DNAH8: variants seen among roughly 807,000 people sequenced by gnomAD.
The protein encoded by DNAH8 is dynein axonemal heavy chain 8, also known as axonemal beta dynein heavy chain 8.
Under a neutral mutation model 562.1 loss-of-function variants are expected in DNAH8, and 382 were observed. That is an observed-to-expected ratio of 0.68 (90% CI 0.63 to 0.74). The LOEUF is 0.74. DNAH8 is among the 30% of genes least tolerant of loss of function. DNAH8 has a pLI of 0.00. For missense variants in DNAH8, 5,203 were observed against 5,620.4 expected (o/e 0.93, Z 2.37); for synonymous variants, 1,881 against 1,919.4 (o/e 0.98, Z 0.52).
At chr6:38,823,099 A>C in intron 27 of DNAH8, 65 bp downstream of exon 27, 2 of 1,407,072 alleles carry the variant, frequency 1.4e-6, no homozygotes, top group Non-Finnish European at 1.9e-6. Context: ...AGGGTGGACC[A>C]GGAAAATATC....
intron 75 of DNAH8, among the ~76,000 whole-genome samples, chr6:38,930,763 TGATTTGGTATACA>T (rs1431359217): frequency 6.6e-6 from 1 of 152,306 alleles, no homozygotes; most frequent in East Asian, 1.9e-4. Context: ...TACAATGTGA[TGATTTGGTATACA>T]TATACGTTGT....
chr6:39,015,915 G>A (rs1210499303), intron 91 of DNAH8, among the ~76,000 whole-genome samples: 2 of 152,148 alleles, frequency 1.3e-5, no homozygotes, highest in African/African-American at 4.8e-5. Context: ...ACTGCTTTCT[G>A]TTAGTCGCAC....
chr6:38,804,777 GAGAGAGAGAGAGAA>G (rs1771104455), intron 22 of DNAH8, among the ~76,000 whole-genome samples: 1 of 151,952 alleles, frequency 6.6e-6, no homozygotes, highest in Non-Finnish European at 1.5e-5. Flanking sequence ...GAGAGAGAGA[GAGAGAGAGAGAGAA>G]AGAGAAAACT....
At chr6:38,845,468 G>GA (rs1296969603) in intron 35 of DNAH8, 106 bp from the exon 36 acceptor site, 2 of 750,724 alleles carry the variant, frequency 2.7e-6, no homozygotes, top group East Asian at 5.3e-5. Context: ...AATGAACTGG[G>GA]TGACTTACAG....
chr6:38,875,431 C>T lies in DNAH8; in HGVS notation c.7621-160C>T, dbSNP rs1471044393. 2.0e-5 allele frequency among the ~76,000 whole-genome samples: 3 copies of T among 152,168 alleles called. No individual in the cohort carries two copies. In the East Asian group the frequency reaches 5.8e-4, roughly 29 times the overall value. ...GCCTGTCTAAAACAGGATAGCCTTT[C>T]TTCTACGTGCTGTTGGCTGTAGGAC... On this transcript the variant is annotated intron_variant, in intron 52 of 92. Transcript: ENST00000327475.
At position 38,802,151 on chromosome 6, in the gene DNAH8, G is replaced by A. The variant is rs57792672; in HGVS notation, c.2902-1028G>A. ...GGGTCTCGCCATGTTGCCCAGGCTG[G>A]TCTCAAATTCCTGGGCTCAAGCAAT... On this transcript the variant is annotated intron_variant, in intron 21 of 92. Transcript: ENST00000327475. Among the ~76,000 whole-genome samples the A allele has an allele frequency of 5.4e-3, 825 of 151,930 alleles. 66 individuals are homozygous for A. The East Asian group carries it at 0.14, about 26-fold the overall frequency.
rs1769197982 is a variant in DNAH8 at position 38,786,787 on chromosome 6, G to T, written c.2418G>T (p.Val806=). 5 of 1,610,186 alleles carry T rather than the reference G, an allele frequency of 3.1e-6. No individual in the cohort carries two copies. The East Asian group carries it at 1.1e-4, about 36-fold the overall frequency. The change falls in exon 18 of 93, where the codon GTG becomes GTT. Residue 806 remains valine, a synonymous_variant. Coordinates refer to ENST00000327475, the MANE Select transcript of DNAH8 (RefSeq NM_001206927.2). ...LHYALQATLF[V]RHPETGKLLV... is the part of the protein sequence containing the mutation. Reference sequence around the variant, plus strand: ...TAGCTTTACAAGCCACGCTTTTTGTGCGACATCCAGAAACAGGGAAGTTGC... The same window carrying T: ...TAGCTTTACAAGCCACGCTTTTTGTTCGACATCCAGAAACAGGGAAGTTGC...
At chr6:38,791,509 TA>T in intron 20 of DNAH8, 45 bp from the exon 21 acceptor site, 2 of 1,573,550 alleles carry the variant, frequency 1.3e-6, no homozygotes, top group Non-Finnish European at 1.7e-6. Context: ...AACCTAGCTC[TA>T]AAGGAAAGAA....
chr6:38,986,906 A>C (rs1022160805), intron 87 of DNAH8, among the ~76,000 whole-genome samples: 2 of 152,266 alleles, frequency 1.3e-5, no homozygotes, highest in South Asian at 2.1e-4. Context: ...TAGACATCCA[A>C]ATCAAGTTGT....
At chr6:38,885,642 T>G (rs1778859356) in intron 56 of DNAH8, among the ~76,000 whole-genome samples, 1 of 152,238 alleles carries the variant, frequency 6.6e-6, no homozygotes, top group African/African-American at 2.4e-5. Flanking sequence ...TTTACTGATC[T>G]TTGTATACGC....
chr6:38,990,160 A>G lies in DNAH8; in HGVS notation c.13202A>G (p.Asn4401Ser). The G allele has an allele frequency of 1.9e-6, 3 of 1,605,496 alleles. No individual in the cohort carries two copies. Among genetic ancestry groups the G allele is most frequent in the Non-Finnish European group, 2.6e-6 (3 of 1,176,170 alleles). The part of the protein sequence containing the change: ...DNPEVFGLHP[N>S]ADITYQSNTA... ...CCTGAAGTCTTTGGGCTTCACCCTA[A>G]TGCTGATATCACGTAAGTCCCTGGC... The change falls in exon 88 of 93, where the codon AAT becomes AGT. Residue 4401 changes from asparagine to serine, a missense_variant. Physicochemically the swap from Asn to Ser is conservative, Grantham distance 46. Around this residue, in one of 6 missense-constraint regions of DNAH8, gnomAD observed 1,399 missense variants for 1,518.4 expected, o/e 0.92. Transcript: ENST00000327475.
At chr6:38,916,674 T>C (rs1781333096) in intron 68 of DNAH8, among the ~76,000 whole-genome samples, 1 of 152,212 alleles carries the variant, frequency 6.6e-6, no homozygotes, top group African/African-American at 2.4e-5. Context: ...CGAAGGAGTC[T>C]TAGAACATGT....
chr6:38,934,612 G>A (rs78392517), intron 76 of DNAH8, among the ~76,000 whole-genome samples: 1,689 of 152,252 alleles, frequency 0.011, 24 homozygotes, highest in South Asian at 0.04. Context: ...GAAGAAAAAT[G>A]TTGTAAGGAA....
In DNAH8 at chr6:38,898,344, G is replaced by T; in HGVS notation, c.9027G>T (p.Leu3009=). 2 of 1,581,220 alleles carry T rather than the reference G, an allele frequency of 1.3e-6. No individual in the cohort carries two copies. The highest frequency in any genetic ancestry group is 1.7e-6 in the Non-Finnish European group (2 of 1,169,406). The change falls in exon 61 of 93, where the codon CTG becomes CTT. Residue 3009 remains leucine, a synonymous_variant. Coordinates refer to ENST00000327475, the MANE Select transcript of DNAH8 (RefSeq NM_001206927.2). ...NEIIRGTSLD[L]VFFKDAMTHL... is the part of the protein sequence containing the mutation. The stretch of plus-strand genomic sequence containing the variant: ...TCATTAGAGGAACATCTCTTGATCT[G>T]GTGTTTTTTAAAGATGCAATGACTC...
At chr6:38,733,354 T>A (rs149654074) in intron 4 of DNAH8, among the ~76,000 whole-genome samples, 9 of 152,368 alleles carry the variant, frequency 5.9e-5, no homozygotes, top group African/African-American at 2.2e-4. Flanking sequence ...TTAATTTTCA[T>A]GGAAATTAGT....
At chr6:38,727,512 C>T (rs560926281) in intron 3 of DNAH8, among the ~76,000 whole-genome samples, 209 of 152,322 alleles carry the variant, frequency 1.4e-3, no homozygotes, top group African/African-American at 4.8e-3. Flanking sequence ...CAGTTCTCAA[C>T]CTGGCCCTAG....
chr6:38,873,171 G>GA lies in DNAH8; in HGVS notation c.7479+26dup, dbSNP rs549236668. 1.0e-4 allele frequency: 169 copies of GA among 1,613,212 alleles called. 1 individual carries two copies. In the African/African-American group the frequency reaches 2.0e-3, roughly 19 times the overall value. ...AGGTGGGGCAGAGAGATGGGAAGAA[G>GA]AACCCTCAGAGTCTCTCCACGTTTC... On this transcript the variant is annotated intron_variant, in intron 51 of 92. Transcript: ENST00000327475.
intron 1 of DNAH8, among the ~76,000 whole-genome samples, chr6:38,722,550 C>G (rs1309561213): frequency 1.3e-5 from 2 of 151,052 alleles, no homozygotes; most frequent in Non-Finnish European, 2.9e-5. Flanking sequence ...AGGAGGAGCA[C>G]TTAAAGTCTG....
chr6:38,923,489 C>A, intron 72 of DNAH8: 1 of 241,164 alleles, frequency 4.1e-6, no homozygotes, highest in Non-Finnish European at 8.0e-6. Context: ...AAGTGTGGAT[C>A]AATGGTTTGT....
Sources: allele counts gnomAD v4.1 joint callset (sites outside exome capture counted in the v4.1 genomes callset), GRCh38; gene constraint gnomAD v4.1.1; regional missense constraint gnomAD v4.1.1; transcripts MANE v1.5; gene names NCBI Gene and HGNC (gene_info 2026-07-23, HGNC 2026-07-21).